Variants in CHSY3 observed in about 807,000 individuals in gnomAD.
The protein encoded by CHSY3 is N-acetylgalactosaminyl-proteoglycan 3-beta-glucuronosyltransferase 3.
In CHSY3, 35 loss-of-function variants were observed where a neutral mutation model predicts 67.2. The ratio of observed to expected loss-of-function variants is 0.52; its 90% CI spans 0.40 to 0.69. The LOEUF (loss-of-function observed/expected upper bound fraction) is 0.69. Among genes scored for constraint, CHSY3 ranks in the 30% least tolerant of loss-of-function variants. The probability of loss-of-function intolerance (pLI) is 0.00; values close to 1 mark genes in which losing one functional copy is unlikely to be tolerated. For synonymous variants in CHSY3, 474 were observed against 434.7 expected (o/e 1.09, Z -1.12); for missense variants, 1,069 against 1,138.5 (o/e 0.94, Z 0.88).
At chr5:130,112,273 T>C (rs922891841) in intron 2 of CHSY3, among the ~76,000 whole-genome samples, 1 of 152,132 alleles carries the variant, frequency 6.6e-6, no homozygotes, top group African/African-American at 2.4e-5. Context: ...CCGGAATTTG[T>C]CTAAAATAAA....
intron 2 of CHSY3, among the ~76,000 whole-genome samples, chr5:130,168,548 G>C (rs1301263895): frequency 6.6e-6 from 1 of 152,000 alleles, no homozygotes; most frequent in African/African-American, 2.4e-5. Context: ...CTTAAGTTAC[G>C]TTTTATTTTT....
intron 2 of CHSY3, among the ~76,000 whole-genome samples, chr5:129,910,959 T>C (rs2431190): frequency 0.94 from 140,434 of 149,706 alleles, 66,002 homozygotes; most frequent in East Asian, 1. Context: ...CTTTTATCTA[T>C]GCCTTTCACA....
intron 2 of CHSY3, among the ~76,000 whole-genome samples, chr5:129,977,535 A>G (rs1416872772): frequency 6.6e-6 from 1 of 152,196 alleles, no homozygotes; most frequent in African/African-American, 2.4e-5. Flanking sequence ...GGTTTTTAAG[A>G]TGTAGGAAGA....
At chr5:130,085,343 G>T (rs1309958769) in intron 2 of CHSY3, among the ~76,000 whole-genome samples, 1 of 151,944 alleles carries the variant, frequency 6.6e-6, no homozygotes, top group African/African-American at 2.4e-5. Context: ...ATTACAAATA[G>T]GTAAAGATGA....
chr5:130,048,390 C>A (rs951538361), intron 2 of CHSY3, among the ~76,000 whole-genome samples: 1 of 151,764 alleles, frequency 6.6e-6, no homozygotes, highest in African/African-American at 2.4e-5. Flanking sequence ...ATTTCTTTTC[C>A]TTTTATTATT....
rs78034514 is a variant in CHSY3 at position 129,912,485 on chromosome 5, T to G, written c.1086+4125T>G. Among the ~76,000 whole-genome samples, 743 of 152,292 alleles carry G rather than the reference T, an allele frequency of 4.9e-3. 6 individuals carry two copies. The highest frequency in any genetic ancestry group is 0.029 in the East Asian group (150 of 5,168). The stretch of plus-strand genomic sequence containing the variant: ...CTGCAGCTTCTGGCCTTTCTCTCAA[T>G]AAGGCCCAGGTGGTCTGGGGAAATA... On this transcript the variant is annotated intron_variant, in intron 2 of 2. Transcript: ENST00000305031.
intron 2 of CHSY3, among the ~76,000 whole-genome samples, chr5:129,947,203 T>G (rs1761881416): frequency 6.6e-6 from 1 of 152,178 alleles, no homozygotes; most frequent in African/African-American, 2.4e-5. Context: ...AAGCCCATTA[T>G]AAAGCCATCA....
At chr5:130,164,615 G>C (rs913853079) in intron 2 of CHSY3, among the ~76,000 whole-genome samples, 3 of 151,982 alleles carry the variant, frequency 2.0e-5, no homozygotes, top group Admixed American at 6.6e-5. Context: ...TGAAAATCTA[G>C]AATCCATTCA....
At chr5:130,028,751 T>C (rs1189879215) in intron 2 of CHSY3, among the ~76,000 whole-genome samples, 1 of 152,086 alleles carries the variant, frequency 6.6e-6, no homozygotes, top group Non-Finnish European at 1.5e-5. Context: ...TATTACTTTT[T>C]GTATTGTCTA....
At chr5:129,993,572 C>T (rs1309223005) in intron 2 of CHSY3, among the ~76,000 whole-genome samples, 3 of 152,092 alleles carry the variant, frequency 2.0e-5, no homozygotes, top group Admixed American at 2.0e-4. Flanking sequence ...GATAGATCTT[C>T]CCCCATCCCT....
At chr5:130,057,628 A>G (rs576902457) in intron 2 of CHSY3, among the ~76,000 whole-genome samples, 1 of 152,300 alleles carries the variant, frequency 6.6e-6, no homozygotes, top group East Asian at 1.9e-4. Flanking sequence ...ACATTAAATT[A>G]TATTGTTGGA....
At chr5:130,161,796 T>A (rs1475697621) in intron 2 of CHSY3, among the ~76,000 whole-genome samples, 1 of 152,096 alleles carries the variant, frequency 6.6e-6, no homozygotes, top group Non-Finnish European at 1.5e-5. Flanking sequence ...CCTAGCACTC[T>A]GGGAGGCTGA....
chr5:130,076,651 G>A (rs1766264996), intron 2 of CHSY3, among the ~76,000 whole-genome samples: 1 of 151,606 alleles, frequency 6.6e-6, no homozygotes, highest in African/African-American at 2.4e-5. Context: ...CATACACATA[G>A]GGTTTTACTT....
At chr5:130,135,142 T>C (rs1002467663) in intron 2 of CHSY3, among the ~76,000 whole-genome samples, 5 of 151,978 alleles carry the variant, frequency 3.3e-5, no homozygotes, top group African/African-American at 1.2e-4. Context: ...TGTGGTCCCT[T>C]CTTTATGGCT....
chr5:130,017,786 A>G (rs573859928), intron 2 of CHSY3, among the ~76,000 whole-genome samples: 45 of 152,210 alleles, frequency 3.0e-4, no homozygotes, highest in African/African-American at 1.1e-3. Flanking sequence ...TTTTAAAAAC[A>G]TTTAACTAAA....
At chr5:130,032,882 A>G (rs1045434060) in intron 2 of CHSY3, among the ~76,000 whole-genome samples, 1 of 152,158 alleles carries the variant, frequency 6.6e-6, no homozygotes, top group African/African-American at 2.4e-5. Flanking sequence ...AAGCCATTAG[A>G]CAGCCACGTA....
At chr5:129,965,666 G>A (rs965728027) in intron 2 of CHSY3, among the ~76,000 whole-genome samples, 64 of 151,794 alleles carry the variant, frequency 4.2e-4, no homozygotes, top group African/African-American at 1.4e-3. Flanking sequence ...ATCGTGGGGA[G>A]GTTACTAATT....
chr5:130,178,253 A>ATATATTTT (rs1205782386), intron 2 of CHSY3, among the ~76,000 whole-genome samples: 586 of 45,906 alleles, frequency 0.013, 11 homozygotes, highest in Non-Finnish European at 0.018. Context: ...ATATATATAT[A>ATATATTTT]TTTTTTTTTT....
At chr5:130,096,729 C>A (rs1767060890) in intron 2 of CHSY3, among the ~76,000 whole-genome samples, 1 of 151,808 alleles carries the variant, frequency 6.6e-6, no homozygotes, top group South Asian at 2.1e-4. Flanking sequence ...AATGAGCAAC[C>A]ACCACCTGCA....
Sources: gnomAD v4.1 joint callset for allele counts (sites outside exome capture counted in the v4.1 genomes callset) on GRCh38, gnomAD v4.1.1 for gene constraint, MANE v1.5 for transcripts, NCBI Gene and HGNC (gene_info 2026-07-23, HGNC 2026-07-21) for gene names.